Variants in ABCB8 observed in about 807,000 individuals in gnomAD.
ABCB8 encodes the protein mitochondrial potassium channel ATP-binding subunit.
A neutral mutation model predicts 73.0 loss-of-function variants in ABCB8; 52 were observed. The observed-to-expected ratio is 0.71, with a 90% confidence interval of 0.57 to 0.90. The LOEUF (loss-of-function observed/expected upper bound fraction) is 0.90, where lower values mean the gene tolerates loss of function less well. Among genes scored for constraint, ABCB8 ranks in the 40% least tolerant of loss-of-function variants. The pLI is 0.00. For missense variants in ABCB8, 909 were observed against 974.6 expected, an observed-to-expected ratio of 0.93 and a Z score of 0.90; for synonymous variants, 428 against 423.5, an observed-to-expected ratio of 1.01 and a Z score of -0.13.
chr7:151,043,303 G>C (rs1390075425), intron 14 of ABCB8, among the ~76,000 whole-genome samples: 1 of 152,256 alleles, frequency 6.6e-6, no homozygotes, highest in African/African-American at 2.4e-5. Context: ...ACCACCCTCA[G>C]AGGCAGGGCA....
chr7:151,040,950 C>T (rs1453916132), intron 12 of ABCB8, 28 bp downstream of exon 12: 4 of 1,598,598 alleles, frequency 2.5e-6, no homozygotes, highest in Non-Finnish European at 3.4e-6. Context: ...CCTCTTCACC[C>T]TCTGACTCTT....
rs766650530 is a variant in ABCB8, at chr7:151,035,648, C to T, written c.833C>T (p.Thr278Met). 1.1e-5 allele frequency: 17 copies of T among 1,612,936 alleles called. 1 individual carries two copies. The highest frequency in any genetic ancestry group is 3.3e-5 in the South Asian group (3 of 91,076). ...VSLSMLSTRL[T>M]LLLMVATPAL... ...CTGTCCATGCTGTCGACACGCCTCA[C>T]GCTGCTGCTGATGGTGGCCACACCA... The change falls in exon 6 of 16, where the codon ACG (threonine) becomes ATG (methionine). Residue 278 changes from threonine (T) to methionine (M), a missense_variant. By Grantham distance (81) the Thr-to-Met change is moderately conservative (BLOSUM62 -1). Coordinates refer to ENST00000358849, the MANE Select transcript of ABCB8 (RefSeq NM_007188.5).
At chr7:151,032,990 G>A (rs1202312282) in intron 1 of ABCB8, 27 of 456,464 alleles carry the variant, frequency 5.9e-5, no homozygotes, top group Admixed American at 1.4e-4. Context: ...TTCCCTGCTC[G>A]TCCCAGTTCT....
At position 151,045,435 on chromosome 7, in the gene ABCB8, C is replaced by A. The variant is rs1470269997; in HGVS notation, c.*86C>A. On this transcript the variant is annotated 3_prime_UTR_variant, in exon 16 of 16. Coordinates refer to ENST00000358849, the MANE Select transcript of ABCB8 (RefSeq NM_007188.5). ...GGGGGAGCCTACTGGGGACTGAGCCCCCAGGAGGGCCAGCATGTGGAGAGT... is the reference window on the plus strand; with the variant it reads ...GGGGGAGCCTACTGGGGACTGAGCCACCAGGAGGGCCAGCATGTGGAGAGT... The A allele has an allele frequency of 1.8e-5, 25 of 1,358,452 alleles. No homozygotes were observed. In the South Asian group the frequency reaches 4.4e-4, roughly 24 times the overall value. The allele number at this position is 1,358,452 out of a possible 1,614,324, so 84.1% of individuals were successfully genotyped here.
chr7:151,043,025 T>C (rs1796509824), intron 14 of ABCB8, among the ~76,000 whole-genome samples: 1 of 152,208 alleles, frequency 6.6e-6, no homozygotes, highest in Non-Finnish European at 1.5e-5. Context: ...TGCTGTCACC[T>C]TGAGGTTCTT....
At chr7:151,044,708 C>T (rs1411326664) in intron 15 of ABCB8, among the ~76,000 whole-genome samples, 1 of 152,202 alleles carries the variant, frequency 6.6e-6, no homozygotes, top group Non-Finnish European at 1.5e-5. Flanking sequence ...TGTGCCATTG[C>T]GCTCCAGCCT....
chr7:151,044,132 G>A lies in ABCB8; in HGVS notation c.1927G>A (p.Gly643Ser). 6.2e-7 allele frequency: 1 copy of A among 1,614,010 alleles called. No individual in the cohort carries two copies. Among genetic ancestry groups the A allele is most frequent in the Non-Finnish European group, 8.5e-7 (1 of 1,179,978 alleles). The stretch of plus-strand genomic sequence containing the variant: ...GGAGGCCCTGGACCGGGCCAGTGCA[G>A]GCCGCACGGTGCTGGTAATTGCCCA... The part of the protein sequence containing the change: ...VQEALDRASA[G>S]RTVLVIAHRL... Residue 643 changes from glycine (G) to serine (S), a missense_variant, in exon 15 of 16, where the codon GGC becomes AGC. Coordinates refer to ENST00000358849, the MANE Select transcript of ABCB8 (RefSeq NM_007188.5).
intron 8 of ABCB8, 83 bp from the exon 9 acceptor site, chr7:151,036,461 C>T (rs1222499246): frequency 2.7e-5 from 34 of 1,257,294 alleles, no homozygotes; most frequent in Non-Finnish European, 3.6e-5. Flanking sequence ...TCACCTGACT[C>T]TCCCAGTCAG....
At chr7:151,032,945 C>T (rs766360456) in intron 1 of ABCB8, 12 of 450,532 alleles carry the variant, frequency 2.7e-5, no homozygotes, top group Non-Finnish European at 4.9e-5. Flanking sequence ...CAGAGTAGAG[C>T]CAGCCTGGGT....
At chr7:151,032,292 G>C (rs1796184414) in intron 1 of ABCB8, among the ~76,000 whole-genome samples, 1 of 152,210 alleles carries the variant, frequency 6.6e-6, no homozygotes, top group African/African-American at 2.4e-5. Flanking sequence ...CTGATTTCCA[G>C]TTAACTGTGA....
chr7:151,028,650 G>T (rs780546801), intron 1 of ABCB8, 40 bp downstream of exon 1: 19 of 1,586,904 alleles, frequency 1.2e-5, no homozygotes, highest in South Asian at 3.4e-5. Flanking sequence ...GCCATTGACC[G>T]CCCGGCAGGG....
Position 151,033,756 on chromosome 7 carries a change from G to A in ABCB8, c.247G>A (p.Val83Ile), listed in dbSNP as rs756291701. ...WVGGALLGPM[V>I]LSKHPHLCLV... ...TGGGGGAGCCCTGCTAGGCCCCATG[G>A]TACTGAGTAAGCATCCCCACCTCTG... The change falls in exon 2 of 16, where the codon GTA (valine) becomes ATA (isoleucine). Residue 83 changes from valine to isoleucine, a missense_variant. Val to Ile is a conservative substitution (Grantham distance 29). Coordinates refer to ENST00000358849, the MANE Select transcript of ABCB8 (RefSeq NM_007188.5). The A allele has an allele frequency of 1.9e-6, 3 of 1,614,060 alleles. No individual in the cohort carries two copies.
Position 151,047,480 on chromosome 7 carries a change from A to C in ABCB8, c.*2131A>C, listed in dbSNP as rs570238125. ...ACTCAGTCCTTCCAAAGTGTTTATT[A>C]ATCAAGCACCTGTCATGTGCCATTG... On this transcript the variant is annotated 3_prime_UTR_variant, in exon 16 of 16. Transcript: ENST00000358849. The C allele has an allele frequency of 1.3e-5, 2 of 152,392 alleles. No individual in the cohort carries two copies. Among genetic ancestry groups the C allele is most frequent in the African/African-American group, 4.8e-5 (2 of 41,582 alleles). 9.4% of individuals were successfully genotyped at this position (152,392 alleles called of 1,614,324 possible). A position where few individuals can be genotyped will look rare whatever the true frequency, so the allele number is the denominator to read the frequency against.
In ABCB8 at chr7:151,028,577, C is replaced by T. The variant is rs1796035456; in HGVS notation, c.62C>T (p.Pro21Leu). The part of the protein sequence containing the change: ...RGGPFPGRLL[P>L]PLRFQTFSAV... ...GGCCCATTCCCAGGCAGGCTGCTAC[C>T]GCCCCTCCGCTTCCAGACATTCTCA... The change falls in exon 1 of 16, where the codon CCG becomes CTG. Residue 21 changes from proline to leucine, a missense_variant. Coordinates refer to ENST00000358849, the MANE Select transcript of ABCB8 (RefSeq NM_007188.5). The T allele has an allele frequency of 3.1e-6, 5 of 1,613,820 alleles. No homozygotes were observed. Among genetic ancestry groups the T allele is most frequent in the Non-Finnish European group, 4.2e-6 (5 of 1,180,022 alleles).
chr7:151,036,401 C>T, intron 8 of ABCB8, 143 bp from the exon 9 acceptor site: 1 of 872,192 alleles, frequency 1.1e-6, no homozygotes. Flanking sequence ...CGTGCCCACC[C>T]CAACTTGCTC....
At chr7:151,036,313 G>A in intron 8 of ABCB8, 143 bp downstream of exon 8, 1 of 960,232 alleles carries the variant, frequency 1.0e-6, no homozygotes, top group Non-Finnish European at 1.5e-6. Flanking sequence ...CAGGTAAAGG[G>A]AGGGTGCCGA....
At chr7:151,042,148 C>CT in intron 14 of ABCB8, 40 bp downstream of exon 14, 2 of 1,606,844 alleles carry the variant, frequency 1.2e-6, no homozygotes, top group Non-Finnish European at 1.7e-6. Context: ...TGGTGAGGCA[C>CT]TGGGACACAG....
At position 151,044,074 on chromosome 7, in the gene ABCB8, C is replaced by T. The variant is rs1183340666; in HGVS notation, c.1869C>T (p.Ser623=). The T allele has an allele frequency of 9.3e-6, 15 of 1,613,732 alleles. No homozygotes were observed. The highest frequency in any genetic ancestry group is 8.0e-5 in the African/African-American group (6 of 75,040). Residue 623 remains serine, a synonymous_variant, in exon 15 of 16, where the codon AGC becomes AGT. Transcript: ENST00000358849. ...TGCTGATACTGGATGAAGCTACCAG[C>T]GCGCTGGATGCAGAGTCCGAGCGGG... ...PTVLILDEAT[S]ALDAESERVV... is the part of the protein sequence containing the mutation.
rs1295502168 is a variant in ABCB8 at position 151,046,506 on chromosome 7, G to C, written c.*1157G>C. 6.6e-6 allele frequency: 1 copy of C among 152,270 alleles called. No homozygotes were observed. Among genetic ancestry groups the C allele is most frequent in the Non-Finnish European group, 1.5e-5 (1 of 68,068 alleles). The allele number at this position is 152,270 out of a possible 1,614,324, so 9.4% of individuals were successfully genotyped here. On this transcript the variant is annotated 3_prime_UTR_variant, in exon 16 of 16. Transcript: ENST00000358849. Reference sequence around the variant, plus strand: ...AACTGGTGCCCCAGCAGGACCTCGTGTCCCTGCACTGCTGCAGATGCATCA... The same window carrying C: ...AACTGGTGCCCCAGCAGGACCTCGTCTCCCTGCACTGCTGCAGATGCATCA...
Sources: allele counts gnomAD v4.1 joint callset (sites outside exome capture counted in the v4.1 genomes callset), GRCh38; gene constraint gnomAD v4.1.1; transcripts MANE v1.5; gene names NCBI Gene and HGNC (gene_info 2026-07-23, HGNC 2026-07-21).